AGL: variants seen among roughly 807,000 people sequenced by gnomAD.
AGL encodes amylo-alpha-1,6-glucosidase and 4-alpha-glucanotransferase, also known as glycogen debranching enzyme.
In AGL, 128 loss-of-function variants were observed where a neutral mutation model predicts 199.3. The ratio of observed to expected loss-of-function variants is 0.64; its 90% CI spans 0.56 to 0.74. AGL has a LOEUF of 0.74. AGL is among the 30% of genes least tolerant of loss of function. The probability of loss-of-function intolerance (pLI) is 0.00; values close to 1 mark genes in which losing one functional copy is unlikely to be tolerated. For missense variants in AGL, 1,809 were observed against 1,820.8 expected, an observed-to-expected ratio of 0.99 and a Z score of 0.12; for synonymous variants, 584 against 594.7, an observed-to-expected ratio of 0.98 and a Z score of 0.26.
rs1400304172 is a variant in AGL at position 99,881,538 on chromosome 1, C to T, written c.2158-3C>T. On this transcript the variant is annotated splice_polypyrimidine_tract_variant and splice_region_variant and intron_variant, in intron 16 of 33. Transcript: ENST00000361915. ...TAATCTAGTTGTTCTTTCTGCTTCT[C>T]AGGTGTATGTGGATCAAGTTGATGA... The T allele has an allele frequency of 6.2e-7, 1 of 1,613,786 alleles. No homozygotes were observed. The highest frequency in any genetic ancestry group is 1.3e-5 in the African/African-American group (1 of 74,866).
intron 2 of AGL, among the ~76,000 whole-genome samples, chr1:99,859,820 G>A (rs930283261): frequency 1.3e-5 from 2 of 152,182 alleles, no homozygotes; most frequent in Non-Finnish European, 2.9e-5. Context: ...GAGATTACAG[G>A]CGTGAGCTAC....
At position 99,860,787 on chromosome 1, in the gene AGL, A is replaced by G. The variant is rs899416271; in HGVS notation, c.83-716A>G. On this transcript the variant is annotated intron_variant, in intron 2 of 33. Transcript: ENST00000361915. ...CACATCCCTTCCCACTTCCACGTTC[A>G]ATGTTGTCGTGTTGGTAGCTTAAGA... 2.6e-5 allele frequency among the ~76,000 whole-genome samples: 4 copies of G among 152,158 alleles called. 1 individual carries two copies. The highest frequency in any genetic ancestry group is 4.4e-5 in the Non-Finnish European group (3 of 68,036).
intron 33 of AGL, among the ~76,000 whole-genome samples, chr1:99,920,934 A>T (rs897210224): frequency 6.6e-6 from 1 of 152,078 alleles, no homozygotes; most frequent in African/African-American, 2.4e-5. Context: ...AATCTCTCTT[A>T]CCTCTCTATA....
rs140375476 is a variant in AGL at position 99,876,507 on chromosome 1, A to G, written c.1333A>G (p.Met445Val). The change falls in exon 11 of 34, where the codon ATG (methionine) becomes GTG (valine). Residue 445 changes from methionine to valine, a missense_variant. Physicochemically the swap from Met to Val is conservative, Grantham distance 21 (BLOSUM62 1). Transcript: ENST00000361915. ...EEIDFSMEES[M>V]IHLPNKACFL... The stretch of plus-strand genomic sequence containing the variant: ...GATAGACTTCTCCATGGAAGAATCT[A>G]TGATTCATCTGCCAAATAAAGCTTG... The G allele has an allele frequency of 4.8e-5, 77 of 1,611,624 alleles. No individual in the cohort carries two copies. In the African/African-American group the frequency reaches 8.5e-4, roughly 18 times the overall value.
chr1:99,875,100 G>A, intron 8 of AGL, 54 bp from the exon 9 acceptor site: 1 of 1,482,714 alleles, frequency 6.7e-7, no homozygotes, highest in Middle Eastern at 1.7e-4. Flanking sequence ...GTTTTTAAAT[G>A]TAGAATCTGT....
rs1450055999 is a variant in AGL, at chr1:99,862,921, A to G, written c.460+498A>G. Among the ~76,000 whole-genome samples the G allele has an allele frequency of 2.0e-5, 3 of 151,482 alleles. 1 individual carries two copies. ...ATTTTGTTTCTTATTATTTAGTAAT[A>G]TAAGTAGATAGAACCATATTAAAAA... On this transcript the variant is annotated intron_variant, in intron 4 of 33. Transcript: ENST00000361915.
intron 4 of AGL, among the ~76,000 whole-genome samples, chr1:99,862,941 TAAA>T (rs11291815): frequency 6.6e-6 from 1 of 151,014 alleles, no homozygotes; most frequent in African/African-American, 2.4e-5. Context: ...AGAACCATAT[TAAA>T]AAAAAATTTT....
chr1:99,896,552 A>C (rs1041674594), intron 25 of AGL, among the ~76,000 whole-genome samples, 164 bp downstream of exon 25: 4 of 152,170 alleles, frequency 2.6e-5, no homozygotes, highest in African/African-American at 9.7e-5. Flanking sequence ...AGGATCATAA[A>C]ATTTCAAAGG....
At chr1:99,904,380 A>G (rs1160125653) in intron 27 of AGL, among the ~76,000 whole-genome samples, 6 of 152,192 alleles carry the variant, frequency 3.9e-5, no homozygotes, top group Admixed American at 3.3e-4. Flanking sequence ...TGAAAAAATG[A>G]TACATAGTAT....
chr1:99,857,490 A>G (rs1649613139), intron 2 of AGL, among the ~76,000 whole-genome samples: 1 of 151,970 alleles, frequency 6.6e-6, no homozygotes, highest in South Asian at 2.1e-4. Context: ...TAGTGAGCCG[A>G]GATCACGCCA....
At position 99,909,439 on chromosome 1, in the gene AGL, C is replaced by T. The variant is rs150393174; in HGVS notation, c.3701-1273C>T. ...GGAGTCCAGGCTTCCACTCAGTCTC[C>T]ACTGACATTCCAGGGAGAAAGGACA... is the stretch of plus-strand genomic sequence containing the variant. On this transcript the variant is annotated intron_variant, in intron 27 of 33. Coordinates refer to ENST00000361915, the MANE Select transcript of AGL (RefSeq NM_000642.3). 7.4e-4 allele frequency among the ~76,000 whole-genome samples: 112 copies of T among 152,230 alleles called. 1 individual carries two copies. The highest frequency in any genetic ancestry group is 2.6e-3 in the African/African-American group (107 of 41,546).
At chr1:99,851,841 C>CATA (rs1648974683) in intron 2 of AGL, among the ~76,000 whole-genome samples, 1 of 152,094 alleles carries the variant, frequency 6.6e-6, no homozygotes, top group Non-Finnish European at 1.5e-5. Context: ...TGTTGCTAGT[C>CATA]ATAAACATTT....
rs925817436 is a variant in AGL, at chr1:99,850,897, A to G, written c.-68-78A>G. On this transcript the variant is annotated intron_variant, in intron 1 of 33. Transcript: ENST00000361915. ...GCTAGGCATAAAACACACTTCGAAC[A>G]TGTAAGTGCCGCTGTCAGCTCTGGA... The G allele has an allele frequency of 4.0e-6, 3 of 749,242 alleles. No homozygotes were observed. In the African/African-American group the frequency reaches 5.2e-5, roughly 13 times the overall value. 46.4% of individuals were successfully genotyped at this position (749,242 alleles called of 1,614,324 possible). A position where few individuals can be genotyped will look rare whatever the true frequency, so the allele number is the denominator to read the frequency against.
At chr1:99,883,975 G>A in intron 17 of AGL, 145 bp from the exon 18 acceptor site, 1 of 670,138 alleles carries the variant, frequency 1.5e-6, no homozygotes, top group Non-Finnish European at 2.5e-6. Flanking sequence ...ACCTTGGGTA[G>A]AATCATCTAC....
At chr1:99,913,002 C>T (rs1056596861) in intron 29 of AGL, among the ~76,000 whole-genome samples, 4 of 152,044 alleles carry the variant, frequency 2.6e-5, no homozygotes, top group East Asian at 1.9e-4. Flanking sequence ...GCAGGCAGAT[C>T]GCTTGAGCTC....
intron 2 of AGL, among the ~76,000 whole-genome samples, chr1:99,851,957 C>A (rs1260796693): frequency 6.6e-6 from 1 of 152,200 alleles, no homozygotes; most frequent in African/African-American, 2.4e-5. Context: ...CTTTTTCCAA[C>A]TTTGGCATTT....
In AGL at chr1:99,879,882, G is replaced by T. The variant is rs954155133; in HGVS notation, c.1612-41G>T. The T allele has an allele frequency of 3.9e-6, 6 of 1,538,380 alleles. No individual in the cohort carries two copies. In the African/African-American group the frequency reaches 8.2e-5, roughly 21 times the overall value. On this transcript the variant is annotated intron_variant, in intron 12 of 33. Coordinates refer to ENST00000361915, the MANE Select transcript of AGL (RefSeq NM_000642.3). ...CCTCCTATCTTGCTTTTCTCTTTCTGTTACATTTATTTGTTACATTTGTCA... is the reference window on the plus strand; with the variant it reads ...CCTCCTATCTTGCTTTTCTCTTTCTTTTACATTTATTTGTTACATTTGTCA...
chr1:99,897,170 G>A (rs17121571), intron 25 of AGL, among the ~76,000 whole-genome samples: 1,826 of 152,212 alleles, frequency 0.012, 37 homozygotes, highest in African/African-American at 0.042. Flanking sequence ...ATTGGAGGTC[G>A]AAAGGAAAGC....
chr1:99,868,825 CTT>C (rs374175804), intron 5 of AGL, among the ~76,000 whole-genome samples: 50 of 135,444 alleles, frequency 3.7e-4, no homozygotes, highest in Admixed American at 5.2e-4. Flanking sequence ...GGTATTTACT[CTT>C]TTTTTTTTTT....
Sources: allele counts gnomAD v4.1 joint callset (sites outside exome capture counted in the v4.1 genomes callset), GRCh38; gene constraint gnomAD v4.1.1; transcripts MANE v1.5; gene names NCBI Gene and HGNC (gene_info 2026-07-23, HGNC 2026-07-21).